Variants in SEC23B observed in about 807,000 individuals in gnomAD.
SEC23B encodes SEC23 homolog B, COPII component.
Under a neutral mutation model 104.3 loss-of-function variants are expected in SEC23B, and 77 were observed. That is an observed-to-expected ratio of 0.74 (90% CI 0.61 to 0.89). The LOEUF (loss-of-function observed/expected upper bound fraction) is 0.89. SEC23B is among the 40% of genes least tolerant of loss of function. The pLI, the probability that SEC23B is intolerant of heterozygous loss-of-function variation, is 0.00. For synonymous variants in SEC23B, 338 were observed against 332.5 expected, an observed-to-expected ratio of 1.02 and a Z score of -0.18; for missense variants, 885 against 949.4, an observed-to-expected ratio of 0.93 and a Z score of 0.89.
rs974524902 is a variant in SEC23B at position 18,544,605 on chromosome 20, C to T, written c.1666-1351C>T. Among the ~76,000 whole-genome samples, 3 of 152,136 alleles carry T rather than the reference C, an allele frequency of 2.0e-5. No homozygotes were observed. In the East Asian group the frequency reaches 5.8e-4, roughly 29 times the overall value. ...GGGAACAGAGTCAGGGAAGGTACAC[C>T]TTGATTGGGGAGCTCCTTAACTTTA... On this transcript the variant is annotated intron_variant, in intron 14 of 19. Transcript: ENST00000650089.
chr20:18,541,396 G>A (rs1029921139), intron 12 of SEC23B, among the ~76,000 whole-genome samples: 5 of 152,216 alleles, frequency 3.3e-5, no homozygotes, highest in African/African-American at 1.2e-4. Context: ...CAGTTTTGGG[G>A]CAAAAGGCCT....
intron 6 of SEC23B, among the ~76,000 whole-genome samples, 172 bp from the exon 7 acceptor site, chr20:18,525,616 A>T (rs2060126964): frequency 6.8e-6 from 1 of 146,760 alleles, no homozygotes; most frequent in Non-Finnish European, 1.5e-5. Flanking sequence ...TCCTCAATAA[A>T]ACTGCTTTAA....
intron 3 of SEC23B, among the ~76,000 whole-genome samples, chr20:18,512,608 G>C (rs2059991335): frequency 6.6e-6 from 1 of 152,176 alleles, no homozygotes; most frequent in African/African-American, 2.4e-5. Context: ...AGTATATTCT[G>C]ATTGGATAGT....
At chr20:18,557,462 T>A (rs2060450049) in intron 19 of SEC23B, among the ~76,000 whole-genome samples, 1 of 151,986 alleles carries the variant, frequency 6.6e-6, no homozygotes, top group South Asian at 2.1e-4. Context: ...TTACATCATA[T>A]ATGCATAACT....
chr20:18,521,001 A>G (rs11699101), intron 4 of SEC23B, among the ~76,000 whole-genome samples: 103,370 of 151,872 alleles, frequency 0.68, 36,627 homozygotes, highest in Non-Finnish European at 0.8. Context: ...CGGCTTAGGA[A>G]GAATCCCGGG....
chr20:18,523,647 T>C (rs6045447), intron 4 of SEC23B, among the ~76,000 whole-genome samples: 139,547 of 151,068 alleles, frequency 0.92, 65,354 homozygotes, highest in East Asian at 1. Context: ...GTGATCCACC[T>C]GTCTTGGCCT....
chr20:18,542,956 A>G (rs1247259330), intron 13 of SEC23B, 63 bp from the exon 14 acceptor site: 1 of 1,604,034 alleles, frequency 6.2e-7, no homozygotes, highest in Admixed American at 1.7e-5. Context: ...CTTTTTCTGA[A>G]TGGATGTCTG....
intron 3 of SEC23B, among the ~76,000 whole-genome samples, chr20:18,512,624 T>C (rs868603924): frequency 6.6e-6 from 1 of 152,264 alleles, no homozygotes; most frequent in Non-Finnish European, 1.5e-5. Context: ...ATAGTGTATA[T>C]TACTGAATTT....
intron 2 of SEC23B, among the ~76,000 whole-genome samples, chr20:18,511,987 G>C (rs1161118543): frequency 6.6e-6 from 1 of 152,176 alleles, no homozygotes. Context: ...TTGGAAAAGA[G>C]AAAAAGATTT....
At chr20:18,518,875 T>C (rs1457549940) in intron 4 of SEC23B, among the ~76,000 whole-genome samples, 1 of 152,122 alleles carries the variant, frequency 6.6e-6, no homozygotes, top group Non-Finnish European at 1.5e-5. Flanking sequence ...GAGACATTAA[T>C]GATGGAGGAC....
At chr20:18,560,209 T>C (rs562640557) in intron 19 of SEC23B, among the ~76,000 whole-genome samples, 130 of 152,236 alleles carry the variant, frequency 8.5e-4, no homozygotes, top group Non-Finnish European at 1.4e-3. Flanking sequence ...AATTATAAGC[T>C]TTTTCTGATA....
At chr20:18,526,076 A>G (rs2060131540) in intron 7 of SEC23B, 144 bp downstream of exon 7, 2 of 1,054,456 alleles carry the variant, frequency 1.9e-6, no homozygotes, top group Non-Finnish European at 2.9e-6. Flanking sequence ...CATCATTATC[A>G]TTCACGTTGA....
rs1283814354 is a variant in SEC23B, at chr20:18,560,859, A to G, written c.*119A>G. On this transcript the variant is annotated 3_prime_UTR_variant, in exon 20 of 20. Coordinates refer to ENST00000650089, the MANE Select transcript of SEC23B (RefSeq NM_006363.6). The stretch of plus-strand genomic sequence containing the variant: ...TTTAACAAATAATCAAGGACATTTT[A>G]TATGTAACTCTTTAGATTATAATTT... 5 of 760,072 alleles carry G rather than the reference A, an allele frequency of 6.6e-6. No homozygotes were observed. In the East Asian group the frequency reaches 7.5e-5, roughly 11 times the overall value. The allele number at this position is 760,072 out of a possible 1,614,324, so 47.1% of individuals were successfully genotyped here.
chr20:18,557,966 G>A (rs529233284), intron 19 of SEC23B, among the ~76,000 whole-genome samples: 1 of 151,886 alleles, frequency 6.6e-6, no homozygotes, highest in South Asian at 2.1e-4. Context: ...GGTCAGGCTG[G>A]TCTCGAACTC....
chr20:18,544,669 G>A (rs1281535713), intron 14 of SEC23B, among the ~76,000 whole-genome samples: 1 of 152,192 alleles, frequency 6.6e-6, no homozygotes, highest in Non-Finnish European at 1.5e-5. Flanking sequence ...TTAAGCGGGG[G>A]TTTGATGTCA....
chr20:18,529,276 G>T (rs1359493794), intron 9 of SEC23B, among the ~76,000 whole-genome samples: 2 of 152,214 alleles, frequency 1.3e-5, no homozygotes, highest in Admixed American at 6.5e-5. Flanking sequence ...GGTGGAAGCT[G>T]CTGGCAAATG....
upstream of SEC23B, chr20:18,507,915 T>C (rs1297669948): frequency 6.6e-6 from 1 of 152,490 alleles, no homozygotes; most frequent in Admixed American, 6.5e-5. Context: ...GAGCTGGACT[T>C]GGCGGTGGGA....
At chr20:18,559,080 T>TGGG (rs71194250) in intron 19 of SEC23B, among the ~76,000 whole-genome samples, 1 of 121,334 alleles carries the variant, frequency 8.2e-6, no homozygotes, top group African/African-American at 3.2e-5. Flanking sequence ...AGGTGGTTGG[T>TGGG]GGGGGGGGTG....
chr20:18,516,725 T>A (rs778386728), intron 4 of SEC23B, among the ~76,000 whole-genome samples: 64 of 151,674 alleles, frequency 4.2e-4, no homozygotes, highest in Non-Finnish European at 5.7e-4. Flanking sequence ...CTAATTTTTT[T>A]AATATTTTTA....
Sources: allele counts gnomAD v4.1 joint callset (sites outside exome capture counted in the v4.1 genomes callset), GRCh38; gene constraint gnomAD v4.1.1; transcripts MANE v1.5; gene names NCBI Gene and HGNC (gene_info 2026-07-23, HGNC 2026-07-21).